Variants in TRPM3 observed in about 807,000 individuals in gnomAD.
TRPM3 encodes the protein long transient receptor potential channel 3.
Under a neutral mutation model 181.2 loss-of-function variants are expected in TRPM3, and 77 were observed. The observed-to-expected ratio is 0.42, with a 90% CI of 0.35 to 0.51. The LOEUF is 0.51. TRPM3 is among the 20% of genes least tolerant of loss of function. The probability of loss-of-function intolerance (pLI) is 0.01; values close to 1 mark genes in which losing one functional copy is unlikely to be tolerated. For missense variants in TRPM3, 1,759 were observed against 2,196.7 expected, an observed-to-expected ratio of 0.80 and a Z score of 3.98; for synonymous variants, 745 against 796.4, an observed-to-expected ratio of 0.94 and a Z score of 1.09.
At chr9:70,922,973 T>G (rs2096673283) in intron 1 of TRPM3, among the ~76,000 whole-genome samples, 1 of 152,150 alleles carries the variant, frequency 6.6e-6, no homozygotes, top group African/African-American at 2.4e-5. Flanking sequence ...TCTGAAACAG[T>G]GTAATTGATC....
At chr9:70,698,163 G>A (rs531994637) in intron 8 of TRPM3, among the ~76,000 whole-genome samples, 5 of 147,942 alleles carry the variant, frequency 3.4e-5, no homozygotes, top group Non-Finnish European at 5.9e-5. Context: ...AGCTGAGATC[G>A]CATCACCGCA....
In TRPM3 at chr9:70,620,299, A is replaced by G. The variant is rs771390377; in HGVS notation, c.1906T>C (p.Leu636=). ...AAGTGGTTGATCTCAGGATCATCCA[A>G]GTCAATGTCCACCTCTTCTTCACGT... ...KKREEEVDID[L]DDPEINHFPF... The change falls in exon 16 of 26, where the codon TTG becomes CTG. Residue 636 remains leucine (L), a synonymous_variant. Transcript: ENST00000677713. 6.2e-7 allele frequency: 1 copy of G among 1,614,230 alleles called. No individual in the cohort carries two copies.
intron 1 of TRPM3, among the ~76,000 whole-genome samples, chr9:70,922,671 TG>T (rs1462448151): frequency 6.6e-6 from 1 of 152,186 alleles, no homozygotes; most frequent in Non-Finnish European, 1.5e-5. Context: ...ACTTGGCTTG[TG>T]GCTAAACCTT....
intron 5 of TRPM3, among the ~76,000 whole-genome samples, chr9:70,841,772 T>G (rs972999287): frequency 6.0e-5 from 9 of 150,472 alleles, no homozygotes; most frequent in African/African-American, 2.2e-4. Flanking sequence ...AGTGAAATCA[T>G]GTCTTTTGCA....
intron 9 of TRPM3, among the ~76,000 whole-genome samples, chr9:70,649,812 A>G (rs985989947): frequency 8.5e-5 from 13 of 152,204 alleles, no homozygotes; most frequent in African/African-American, 3.1e-4. Flanking sequence ...ATTACTGGGC[A>G]TACACTCAAA....
chr9:70,538,425 C>A (rs932709202), intron 25 of TRPM3, among the ~76,000 whole-genome samples: 1 of 149,828 alleles, frequency 6.7e-6, no homozygotes. Context: ...GCCACCATGC[C>A]CTGCCTTTTG....
intron 1 of TRPM3, among the ~76,000 whole-genome samples, chr9:71,179,996 C>T (rs1240174437): frequency 6.8e-6 from 1 of 147,928 alleles, no homozygotes; most frequent in Non-Finnish European, 1.5e-5. Context: ...ACCAATAGAA[C>T]ATGATTGGTT....
At chr9:71,299,943 A>T (rs758739573) in intron 1 of TRPM3, among the ~76,000 whole-genome samples, 7 of 152,138 alleles carry the variant, frequency 4.6e-5, no homozygotes, top group Non-Finnish European at 8.8e-5. Context: ...TATAGGGGAC[A>T]TTTAATAGTG....
At chr9:71,044,816 C>T (rs907389835) in intron 1 of TRPM3, among the ~76,000 whole-genome samples, 1 of 150,562 alleles carries the variant, frequency 6.6e-6, no homozygotes, top group Admixed American at 6.6e-5. Context: ...GGACTACAGG[C>T]GCCAGCCACC....
chr9:71,446,739 G>C (rs1018747058), exon 1 of TRPM3: 52 of 1,550,446 alleles, frequency 3.4e-5, no homozygotes, highest in Non-Finnish European at 4.4e-5. Context: ...AACCTGCCCC[G>C]GCTGGCGCTC....
intron 1 of TRPM3, among the ~76,000 whole-genome samples, chr9:71,169,197 C>T (rs1565299092): frequency 6.6e-6 from 1 of 152,122 alleles, no homozygotes; most frequent in Admixed American, 6.6e-5. Context: ...TGAAATCATC[C>T]AATCTTCATA....
intron 1 of TRPM3, among the ~76,000 whole-genome samples, chr9:71,183,935 A>T (rs1208631832): frequency 6.6e-6 from 1 of 152,130 alleles, no homozygotes; most frequent in East Asian, 1.9e-4. Context: ...TTACTATACA[A>T]GGTATAAAAA....
At chr9:70,541,619 C>A (rs998814293) in intron 25 of TRPM3, among the ~76,000 whole-genome samples, 9 of 151,284 alleles carry the variant, frequency 5.9e-5, no homozygotes, top group African/African-American at 2.2e-4. Flanking sequence ...TCAAGCAATT[C>A]TCCTGCCTCA....
intron 1 of TRPM3, among the ~76,000 whole-genome samples, chr9:71,408,348 A>G (rs999098151): frequency 2.0e-5 from 3 of 152,160 alleles, no homozygotes; most frequent in African/African-American, 4.8e-5. Context: ...GAAAGCTAAA[A>G]ACCTTGAAAA....
At chr9:71,187,024 T>G (rs1442395270) in intron 1 of TRPM3, among the ~76,000 whole-genome samples, 1 of 152,044 alleles carries the variant, frequency 6.6e-6, no homozygotes, top group Non-Finnish European at 1.5e-5. Context: ...TTAATTTGAT[T>G]AAATCTTTTG....
intron 1 of TRPM3, among the ~76,000 whole-genome samples, chr9:71,387,641 T>C (rs2092957469): frequency 6.6e-6 from 1 of 152,172 alleles, no homozygotes; most frequent in Non-Finnish European, 1.5e-5. Flanking sequence ...ATTTTATTAC[T>C]TATTAAAATA....
intron 1 of TRPM3, among the ~76,000 whole-genome samples, chr9:70,961,835 T>A (rs1447865265): frequency 6.6e-6 from 1 of 152,134 alleles, no homozygotes; most frequent in Non-Finnish European, 1.5e-5. Flanking sequence ...ACATATTATG[T>A]AATGCCATAA....
chr9:71,089,345 C>T (rs1361400206), intron 1 of TRPM3, among the ~76,000 whole-genome samples: 1 of 151,032 alleles, frequency 6.6e-6, no homozygotes, highest in African/African-American at 2.4e-5. Context: ...GCATACATGG[C>T]AATATATACA....
At chr9:70,763,073 GAT>G (rs2078438406) in intron 7 of TRPM3, among the ~76,000 whole-genome samples, 1 of 152,180 alleles carries the variant, frequency 6.6e-6, no homozygotes, top group Non-Finnish European at 1.5e-5. Context: ...CACTAGGTTG[GAT>G]ATTATGATGG....
Sources: gnomAD v4.1 joint callset for allele counts (sites outside exome capture counted in the v4.1 genomes callset) on GRCh38, gnomAD v4.1.1 for gene constraint, MANE v1.5 for transcripts, NCBI Gene and HGNC (gene_info 2026-07-23, HGNC 2026-07-21) for gene names.